Variants in GPC5 observed in about 807,000 individuals in gnomAD.
The protein encoded by GPC5 is glypican-5.
In GPC5, 47 loss-of-function variants were observed where a neutral mutation model predicts 53.9. That is an observed-to-expected ratio of 0.87 (90% CI 0.69 to 1.11). The LOEUF is 1.11. Among genes scored for constraint, GPC5 ranks in the 50% most tolerant of loss-of-function variants. The pLI is 0.00. For synonymous variants in GPC5, 286 were observed against 263.3 expected (o/e 1.09, Z -0.84); for missense variants, 748 against 713.1 (o/e 1.05, Z -0.56).
chr13:92,838,504 A>T (rs1248641818), intron 7 of GPC5, among the ~76,000 whole-genome samples: 1 of 151,880 alleles, frequency 6.6e-6, no homozygotes, highest in Admixed American at 6.6e-5. Context: ...AAAAAAGAAA[A>T]AAAAGAAAGT....
chr13:92,031,931 A>C (rs1251260223), intron 6 of GPC5, among the ~76,000 whole-genome samples: 3 of 116,418 alleles, frequency 2.6e-5, no homozygotes, highest in African/African-American at 9.7e-5. Flanking sequence ...TATGTATTTT[A>C]TATATTACAT....
At chr13:91,808,896 G>A (rs114527753) in intron 5 of GPC5, among the ~76,000 whole-genome samples, 89 of 152,170 alleles carry the variant, frequency 5.8e-4, no homozygotes, top group African/African-American at 2.1e-3. Context: ...CTGTATTTCA[G>A]GACTTAGTTT....
intron 1 of GPC5, among the ~76,000 whole-genome samples, chr13:91,415,547 G>A (rs931219405): frequency 7.9e-5 from 12 of 151,854 alleles, no homozygotes; most frequent in African/African-American, 2.2e-4. Flanking sequence ...CTTTTTATAC[G>A]TCTTGCCTAT....
At chr13:92,523,830 C>G (rs1412309642) in intron 7 of GPC5, among the ~76,000 whole-genome samples, 3 of 106,820 alleles carry the variant, frequency 2.8e-5, no homozygotes, top group Admixed American at 1.1e-4. Context: ...AAGTTGTTTC[C>G]CATGCATATA....
chr13:92,468,866 C>G (rs1878803191), intron 7 of GPC5, among the ~76,000 whole-genome samples: 2 of 152,114 alleles, frequency 1.3e-5, no homozygotes, highest in African/African-American at 4.8e-5. Flanking sequence ...GAAAAACCAC[C>G]TTCAGTCTTT....
intron 5 of GPC5, among the ~76,000 whole-genome samples, chr13:91,863,007 T>C (rs1490654643): frequency 1.3e-5 from 2 of 150,974 alleles, no homozygotes; most frequent in Non-Finnish European, 3.0e-5. Context: ...CTCCTCCCTC[T>C]CCCTTTCCCT....
At chr13:91,862,430 G>A (rs1462960894) in intron 5 of GPC5, among the ~76,000 whole-genome samples, 1 of 152,128 alleles carries the variant, frequency 6.6e-6, no homozygotes, top group Non-Finnish European at 1.5e-5. Flanking sequence ...GGAATAGGGT[G>A]GGGAAGGTGC....
At chr13:91,467,440 A>T (rs549394545) in intron 2 of GPC5, among the ~76,000 whole-genome samples, 2 of 152,054 alleles carry the variant, frequency 1.3e-5, no homozygotes, top group East Asian at 1.9e-4. Flanking sequence ...TTTCCTGAGA[A>T]TCTGTGCTCA....
At chr13:91,802,886 A>G (rs1407315312) in intron 5 of GPC5, among the ~76,000 whole-genome samples, 1 of 152,172 alleles carries the variant, frequency 6.6e-6, no homozygotes, top group East Asian at 1.9e-4. Context: ...CACTCATAAA[A>G]GAAGATAATA....
intron 7 of GPC5, among the ~76,000 whole-genome samples, chr13:92,779,400 C>T (rs1875939756): frequency 6.6e-6 from 1 of 152,010 alleles, no homozygotes. Context: ...TTGGACTATC[C>T]TGATATTTTG....
intron 6 of GPC5, among the ~76,000 whole-genome samples, chr13:91,958,763 A>T (rs545281316): frequency 6.6e-6 from 1 of 152,032 alleles, no homozygotes; most frequent in Non-Finnish European, 1.5e-5. Context: ...ATTAAACAAC[A>T]TGCTCCTGAA....
chr13:91,583,803 A>AT (rs1329970792), intron 2 of GPC5, among the ~76,000 whole-genome samples: 4 of 152,124 alleles, frequency 2.6e-5, no homozygotes, highest in African/African-American at 9.7e-5. Flanking sequence ...AAAAAATAGG[A>AT]TTTTTTGAAG....
intron 6 of GPC5, among the ~76,000 whole-genome samples, chr13:91,988,962 A>G (rs1405066666): frequency 6.6e-6 from 1 of 151,954 alleles, no homozygotes; most frequent in African/African-American, 2.4e-5. Flanking sequence ...TTTTAATTGT[A>G]CATATAGAAC....
chr13:92,849,945 A>C (rs1160863083), intron 7 of GPC5, among the ~76,000 whole-genome samples: 2 of 152,176 alleles, frequency 1.3e-5, no homozygotes, highest in Non-Finnish European at 2.9e-5. Flanking sequence ...CATGAACTAC[A>C]CCAGTGCAAA....
intron 7 of GPC5, among the ~76,000 whole-genome samples, chr13:92,612,994 T>A (rs908439877): frequency 6.6e-6 from 1 of 151,678 alleles, no homozygotes; most frequent in Non-Finnish European, 1.5e-5. Context: ...TATGCCCATT[T>A]TATAAATGAA....
chr13:91,411,706 G>C (rs1877806751), intron 1 of GPC5, among the ~76,000 whole-genome samples: 1 of 152,160 alleles, frequency 6.6e-6, no homozygotes, highest in Non-Finnish European at 1.5e-5. Flanking sequence ...TCGGTTATTA[G>C]CTAGGGAATA....
intron 4 of GPC5, among the ~76,000 whole-genome samples, chr13:91,729,230 G>C (rs1027376350): frequency 6.6e-6 from 1 of 152,094 alleles, no homozygotes; most frequent in Non-Finnish European, 1.5e-5. Context: ...CATAGGGCTC[G>C]CTAACTCACA....
chr13:91,829,414 C>T (rs2038622003), intron 5 of GPC5, among the ~76,000 whole-genome samples: 1 of 151,858 alleles, frequency 6.6e-6, no homozygotes, highest in Admixed American at 6.6e-5. Context: ...CTATGGAGGA[C>T]ATAATGAGGA....
chr13:92,826,457 G>C (rs1399496938), intron 7 of GPC5, among the ~76,000 whole-genome samples: 2 of 152,118 alleles, frequency 1.3e-5, no homozygotes, highest in African/African-American at 2.4e-5. Flanking sequence ...TTGCTGCCTT[G>C]TGAGAAACTA....
Sources: gnomAD v4.1 joint callset for allele counts (sites outside exome capture counted in the v4.1 genomes callset) on GRCh38, gnomAD v4.1.1 for gene constraint, MANE v1.5 for transcripts, NCBI Gene and HGNC (gene_info 2026-07-23, HGNC 2026-07-21) for gene names.